DNASE2: variants seen among roughly 807,000 people sequenced by gnomAD.
DNASE2 encodes the protein deoxyribonuclease-2-alpha.
A neutral mutation model predicts 29.8 loss-of-function variants in DNASE2; 26 were observed. The observed-to-expected ratio is 0.87, with a 90% CI of 0.64 to 1.21. The LOEUF (loss-of-function observed/expected upper bound fraction) is 1.21. Among genes scored for constraint, DNASE2 ranks in the 50% most tolerant of loss-of-function variants. DNASE2 has a pLI of 0.00. For synonymous variants in DNASE2, 186 were observed against 193.5 expected, an observed-to-expected ratio of 0.96 and a Z score of 0.32; for missense variants, 415 against 455.6, an observed-to-expected ratio of 0.91 and a Z score of 0.81.
At chr19:12,880,933 C>T in intron 2 of DNASE2, 39 bp downstream of exon 2, 1 of 1,614,216 alleles carries the variant, frequency 6.2e-7, no homozygotes, top group Non-Finnish European at 8.5e-7. Context: ...CAGGGCAGCC[C>T]TAGAGTTTCG....
rs1970342659 is a variant in DNASE2, at chr19:12,878,462, G to A, written c.629C>T (p.Pro210Leu). The A allele has an allele frequency of 6.2e-7, 1 of 1,613,818 alleles. No individual in the cohort carries two copies. Among genetic ancestry groups the A allele is most frequent in the Admixed American group, 1.7e-5 (1 of 59,988 alleles). The part of the protein sequence containing the change: ...VVKGHHVSQE[P>L]WNSSITLTSQ... ...TGTGAGTGTGATGCTGCTGTTCCAG[G>A]GTTCTTGGCTAACGTGGTGGCCCTT... is the stretch of plus-strand genomic sequence containing the variant. The change falls in exon 5 of 6, where the codon CCC becomes CTC. Residue 210 changes from proline to leucine, a missense_variant. Physicochemically the swap from Pro to Leu is moderately conservative, Grantham distance 98. Coordinates refer to ENST00000222219, the MANE Select transcript of DNASE2 (RefSeq NM_001375.3).
chr19:12,876,014 C>T lies in DNASE2; in HGVS notation c.1059G>A (p.Lys353=), dbSNP rs144569909. 3 of 1,613,684 alleles carry T rather than the reference C, an allele frequency of 1.9e-6. No individual in the cohort carries two copies. In the South Asian group the frequency reaches 3.3e-5, roughly 18 times the overall value. The part of the protein sequence containing the change: ...NYQPCNGMAR[K]PSRAYKI ...GTTAGATCTTATAAGCTCTGCTGGG[C>T]TTCCTGGCCATGCCATTACAGGGCT... Residue 353 remains lysine, a synonymous_variant, in exon 6 of 6, where the codon AAG becomes AAA. Transcript: ENST00000222219.
chr19:12,881,098 T>C lies in DNASE2; in HGVS notation c.141A>G (p.Arg47=), dbSNP rs1382066124. 5.6e-6 allele frequency: 9 copies of C among 1,611,816 alleles called. No individual in the cohort carries two copies. The highest frequency in any genetic ancestry group is 5.0e-5 in the Admixed American group (3 of 60,006). ...CGTCCAGATACTTGTACTGCAGCCC[T>C]CTCTGCGCCGCCTCCCCGGACCCTC... is the stretch of plus-strand genomic sequence containing the variant. ...ALRGSGEAAQ[R]GLQYKYLDES... Residue 47 remains arginine, a synonymous_variant, in exon 2 of 6, where the codon AGA becomes AGG. Coordinates refer to ENST00000222219, the MANE Select transcript of DNASE2 (RefSeq NM_001375.3).
intron 3 of DNASE2, among the ~76,000 whole-genome samples, chr19:12,879,057 C>T (rs1386039793): frequency 6.6e-6 from 1 of 151,776 alleles, no homozygotes; most frequent in African/African-American, 2.4e-5. Flanking sequence ...GCAGGAGAAT[C>T]GCTTGAACCC....
rs745911181 is a variant in DNASE2, at chr19:12,878,491, C to T, written c.600G>A (p.Val200=). 1 of 1,614,084 alleles carries T rather than the reference C, an allele frequency of 6.2e-7. No homozygotes were observed. The highest frequency in any genetic ancestry group is 1.1e-5 in the South Asian group (1 of 91,080). Residue 200 remains valine (V), a synonymous_variant, in exon 5 of 6, where the codon GTG becomes GTA. Coordinates refer to ENST00000222219, the MANE Select transcript of DNASE2 (RefSeq NM_001375.3). ...CTTGGCTAACGTGGTGGCCCTTGACCACATTCTCCAAGTCGGGGAATTCCT... is the reference window on the plus strand; with the variant it reads ...CTTGGCTAACGTGGTGGCCCTTGACTACATTCTCCAAGTCGGGGAATTCCT... ...FAQEFPDLEN[V]VKGHHVSQEP...
intron 3 of DNASE2, among the ~76,000 whole-genome samples, chr19:12,879,484 C>CA (rs35693082): frequency 0.34 from 24,253 of 70,752 alleles, 3,192 homozygotes; most frequent in East Asian, 0.63. Flanking sequence ...AACTCCTTCT[C>CA]AAAAAAAAAA....
rs192314849 is a variant in DNASE2 at position 12,876,703 on chromosome 19, C to T, written c.710-340G>A. 1.3e-4 allele frequency among the ~76,000 whole-genome samples: 19 copies of T among 151,920 alleles called. 1 individual carries two copies. The highest frequency in any genetic ancestry group is 1.1e-3 in the Admixed American group (17 of 15,222). ...CTGATCTCAAGCAATCCGCCCACCT[C>T]GGTCTTCCAAAATGCTGGGACTACA... is the stretch of plus-strand genomic sequence containing the variant. On this transcript the variant is annotated intron_variant, in intron 5 of 5. Coordinates refer to ENST00000222219, the MANE Select transcript of DNASE2 (RefSeq NM_001375.3).
Position 12,878,594 on chromosome 19 carries a change from G to A in DNASE2, c.512-15C>T, listed in dbSNP as rs940646510. On this transcript the variant is annotated splice_polypyrimidine_tract_variant and intron_variant, in intron 4 of 5. Coordinates refer to ENST00000222219, the MANE Select transcript of DNASE2 (RefSeq NM_001375.3). ...CAGCTGCTTGCCTGGAGGACAAGGG[G>A]AGGAGGAAATGCAAGATCGTTCCAG... is the stretch of plus-strand genomic sequence containing the variant. 8.7e-6 allele frequency: 14 copies of A among 1,613,848 alleles called. No homozygotes were observed. The Middle Eastern group carries it at 8.2e-4, about 95-fold the overall frequency.
In DNASE2 at chr19:12,880,881, C is replaced by A. The variant is rs1402093966; in HGVS notation, c.268-1G>T. The A allele has an allele frequency of 6.2e-7, 1 of 1,614,202 alleles. No individual in the cohort carries two copies. Among genetic ancestry groups the A allele is most frequent in the South Asian group, 1.1e-5 (1 of 91,088 alleles). ...GGTCATTGTAGAGCAGGAAGGCGAG[C>A]TGCGGGCGGATAAACGGAGGCAACG... On this transcript the variant is annotated splice_acceptor_variant, in intron 2 of 5. Transcript: ENST00000222219. LOFTEE classifies it high-confidence loss of function.
chr19:12,880,310 G>A lies in DNASE2; in HGVS notation c.346+492C>T, dbSNP rs191273932. On this transcript the variant is annotated intron_variant, in intron 3 of 5. Transcript: ENST00000222219. Reference sequence around the variant, plus strand: ...AAATAGATGCCCAAGGTCTGACAGGGGAGATCTCCCACCCCACTATGGAGG... The same window carrying A: ...AAATAGATGCCCAAGGTCTGACAGGAGAGATCTCCCACCCCACTATGGAGG... Among the ~76,000 whole-genome samples the A allele has an allele frequency of 9.2e-5, 14 of 151,688 alleles. No individual in the cohort carries two copies. The East Asian group carries it at 2.3e-3, about 25-fold the overall frequency.
intron 3 of DNASE2, 146 bp downstream of exon 3, chr19:12,880,656 C>A (rs1303652055): frequency 2.2e-5 from 24 of 1,097,012 alleles, no homozygotes; most frequent in Non-Finnish European, 3.2e-5. Flanking sequence ...CTCCCACCGT[C>A]TCAAAAACAA....
rs539187149 is a variant in DNASE2, at chr19:12,881,073, C to G, written c.166G>C (p.Glu56Gln). The G allele has an allele frequency of 1.9e-6, 3 of 1,612,662 alleles. No individual in the cohort carries two copies. In the South Asian group the frequency reaches 3.3e-5, roughly 18 times the overall value. The part of the protein sequence containing the change: ...QRGLQYKYLD[E>Q]SSGGWRDGRA... ...CCGTCCCGCCAGCCTCCGGAGCTCT[C>G]GTCCAGATACTTGTACTGCAGCCCT... Residue 56 changes from glutamate to glutamine, a missense_variant, in exon 2 of 6, where the codon GAG becomes CAG. By Grantham distance (29) the Glu-to-Gln change is conservative. Coordinates refer to ENST00000222219, the MANE Select transcript of DNASE2 (RefSeq NM_001375.3).
At chr19:12,879,236 G>T (rs952640216) in intron 3 of DNASE2, among the ~76,000 whole-genome samples, 11 of 151,616 alleles carry the variant, frequency 7.3e-5, no homozygotes, top group African/African-American at 2.7e-4. Context: ...TGTAATCCCA[G>T]CACTTTGGGA....
At chr19:12,880,430 T>C (rs1970366384) in intron 3 of DNASE2, among the ~76,000 whole-genome samples, 1 of 151,874 alleles carries the variant, frequency 6.6e-6, no homozygotes, top group Non-Finnish European at 1.5e-5. Context: ...GGCGGGTAGA[T>C]CACTTGAGGT....
intron 3 of DNASE2, 41 bp downstream of exon 3, chr19:12,880,761 T>C (rs756095667): frequency 8.1e-6 from 13 of 1,613,158 alleles, no homozygotes; most frequent in African/African-American, 1.3e-5. Context: ...CTTGGAAAAA[T>C]GGGACCCGAG....
intron 3 of DNASE2, among the ~76,000 whole-genome samples, chr19:12,879,050 G>A (rs1970350355): frequency 6.6e-6 from 1 of 151,960 alleles, no homozygotes; most frequent in Admixed American, 6.6e-5. Context: ...GGCTGAGGCA[G>A]GAGAATCGCT....
chr19:12,878,467 T>A lies in DNASE2; in HGVS notation c.624A>T (p.Gln208His). 6.2e-7 allele frequency: 1 copy of A among 1,614,004 alleles called. No homozygotes were observed. Among genetic ancestry groups the A allele is most frequent in the Non-Finnish European group, 8.5e-7 (1 of 1,180,036 alleles). The change falls in exon 5 of 6, where the codon CAA becomes CAT. Residue 208 changes from glutamine (Q) to histidine (H), a missense_variant. By Grantham distance (24) the Gln-to-His change is conservative. Transcript: ENST00000222219. ...ENVVKGHHVS[Q>H]EPWNSSITLT... The stretch of plus-strand genomic sequence containing the variant: ...GTGTGATGCTGCTGTTCCAGGGTTC[T>A]TGGCTAACGTGGTGGCCCTTGACCA...
At position 12,876,189 on chromosome 19, in the gene DNASE2, T is replaced by G; in HGVS notation, c.884A>C (p.His295Pro). ...AGPSFNSTED[H>P]SKWCVSPKGP... Reference sequence around the variant, plus strand: ...TTTTGGGGACACGCACCATTTGGAGTGGTCCTCTGTGCTGTTGAAGCTTGG... The same window carrying G: ...TTTTGGGGACACGCACCATTTGGAGGGGTCCTCTGTGCTGTTGAAGCTTGG... Residue 295 changes from histidine (H) to proline (P), a missense_variant, in exon 6 of 6, where the codon CAC becomes CCC. Coordinates refer to ENST00000222219, the MANE Select transcript of DNASE2 (RefSeq NM_001375.3). 6.2e-7 allele frequency: 1 copy of G among 1,614,056 alleles called. No individual in the cohort carries two copies. The highest frequency in any genetic ancestry group is 1.7e-5 in the Admixed American group (1 of 59,980).
chr19:12,880,262 T>G (rs966051160), intron 3 of DNASE2, among the ~76,000 whole-genome samples: 1 of 151,634 alleles, frequency 6.6e-6, no homozygotes, highest in African/African-American at 2.4e-5. Flanking sequence ...TGAGACCTTG[T>G]CTAAAAGAAA....
Sources: allele counts gnomAD v4.1 joint callset (sites outside exome capture counted in the v4.1 genomes callset), GRCh38; gene constraint gnomAD v4.1.1; transcripts MANE v1.5; gene names NCBI Gene and HGNC (gene_info 2026-07-23, HGNC 2026-07-21).